SLC30A5: variants seen among roughly 807,000 people sequenced by gnomAD.
The protein encoded by SLC30A5 is solute carrier family 30 member 5.
SLC30A5 carries 33 observed loss-of-function variants against 79.6 expected under a neutral mutation model. That is an observed-to-expected ratio of 0.41 (90% CI 0.31 to 0.55). SLC30A5 has a LOEUF of 0.55. Ranked by LOEUF, SLC30A5 falls within the 20% of genes least tolerant of loss-of-function variation. The pLI is 0.20. For missense variants in SLC30A5, 788 were observed against 928.1 expected (o/e 0.85, Z 1.96); for synonymous variants, 299 against 319.7 (o/e 0.94, Z 0.69).
chr5:69,126,489 G>A (rs1746691876), intron 14 of SLC30A5, among the ~76,000 whole-genome samples: 1 of 152,016 alleles, frequency 6.6e-6, no homozygotes, highest in Non-Finnish European at 1.5e-5. Flanking sequence ...TAGGCCAGGC[G>A]TGGCGGCTCA....
chr5:69,097,057 C>T (rs560924059), intron 1 of SLC30A5, among the ~76,000 whole-genome samples: 1 of 150,200 alleles, frequency 6.7e-6, no homozygotes, highest in Non-Finnish European at 1.5e-5. Flanking sequence ...AAAAACAGAA[C>T]ACAAAAAACA....
At chr5:69,120,299 G>T (rs1182506308) in intron 12 of SLC30A5, among the ~76,000 whole-genome samples, 8 of 151,774 alleles carry the variant, frequency 5.3e-5, no homozygotes, top group Non-Finnish European at 1.2e-4. Flanking sequence ...TAGGAGAATT[G>T]CTTGAACCTG....
rs1746362421 is a variant in SLC30A5 at position 69,116,063 on chromosome 5, TC to T, written c.924del (p.Ile309PhefsTer16). The T allele has an allele frequency of 6.2e-7, 1 of 1,614,068 alleles. No individual in the cohort carries two copies. The highest frequency in any genetic ancestry group is 1.1e-5 in the South Asian group (1 of 91,086). On this transcript the variant is annotated frameshift_variant, in exon 9 of 16. Transcript: ENST00000396591. LOFTEE classifies it high-confidence loss of function. The surrounding 1 kb of genome is among the most constrained non-coding windows in gnomAD (Gnocchi z 4.0). ...VSKCARYGSFPIFISALLFGN... is the reference protein window; with the variant it reads ...VSKCARYGSFXIFISALLFGN... Reference sequence around the variant, plus strand: ...CCAAATGTGCTCGTTATGGATCCTTTCCCATTTTTATTAGTGCTCTCCTTTT... The same window carrying T: ...CCAAATGTGCTCGTTATGGATCCTTTCCATTTTTATTAGTGCTCTCCTTTT...
intron 6 of SLC30A5, 117 bp from the exon 7 acceptor site, chr5:69,114,303 G>T: frequency 1.9e-6 from 1 of 515,312 alleles, no homozygotes; most frequent in East Asian, 3.0e-5. Context: ...AATTAAGTTT[G>T]AGGCCTCCAG....
chr5:69,129,319 G>A (rs764797268), intron 15 of SLC30A5, 128 bp from the exon 16 acceptor site: 1 of 618,038 alleles, frequency 1.6e-6, no homozygotes, highest in Non-Finnish European at 2.6e-6. Flanking sequence ...TCAGATTTTA[G>A]AGCGTCTCAG....
chr5:69,102,073 T>TTTG (rs1491246527), intron 2 of SLC30A5, among the ~76,000 whole-genome samples: 1,531 of 121,940 alleles, frequency 0.013, 56 homozygotes, highest in African/African-American at 0.044. Context: ...TTTTTTTTTT[T>TTTG]GAGACAGTCT....
Position 69,115,309 on chromosome 5 carries a change from G to C in SLC30A5, c.685G>C (p.Val229Leu), listed in dbSNP as rs780354389. Residue 229 changes from valine (V) to leucine (L), a missense_variant, in exon 8 of 16, where the codon GTC (valine) becomes CTC (leucine). Transcript: ENST00000396591. ...TCATACAGCTTCCAGAAAGCTCTCT[G>C]TCGACGTTGGTGGAGCTAAACGTCT... Reference protein sequence around the residue: ...GFHTASRKLSVDVGGAKRLQA... With the variant: ...GFHTASRKLSLDVGGAKRLQA... The C allele has an allele frequency of 3.8e-5, 61 of 1,614,040 alleles. No individual in the cohort carries two copies. In the South Asian group the frequency reaches 6.6e-4, roughly 17 times the overall value.
At chr5:69,118,761 C>A in intron 12 of SLC30A5, 133 bp downstream of exon 12, 4 of 511,536 alleles carry the variant, frequency 7.8e-6, no homozygotes, top group Non-Finnish European at 1.3e-5. Flanking sequence ...AACTTCCTAT[C>A]TTGCTGTTTA....
chr5:69,109,566 G>C (rs1025837543), intron 5 of SLC30A5, among the ~76,000 whole-genome samples: 8 of 152,082 alleles, frequency 5.3e-5, no homozygotes, highest in African/African-American at 1.9e-4. Flanking sequence ...TTGTACTCAT[G>C]CACCTTTCCC....
intron 5 of SLC30A5, among the ~76,000 whole-genome samples, 195 bp downstream of exon 5, chr5:69,108,631 A>C (rs1051131260): frequency 1.3e-5 from 2 of 152,108 alleles, no homozygotes; most frequent in African/African-American, 4.8e-5. Flanking sequence ...AGACCAGCCT[A>C]GCCAACGTGG....
In SLC30A5 at chr5:69,094,336, T is replaced by A; in HGVS notation, c.81T>A (p.Ala27=). 1 of 1,250,834 alleles carries A rather than the reference T, an allele frequency of 8.0e-7. No homozygotes were observed. Among genetic ancestry groups the A allele is most frequent in the Non-Finnish European group, 1.0e-6 (1 of 990,590 alleles). The allele number at this position is 1,250,834 out of a possible 1,614,324, so 77.5% of individuals were successfully genotyped here. A position where few individuals can be genotyped will look rare whatever the true frequency, so the allele number is the denominator to read the frequency against. ...TTGGGCCGGTGGACGTACCCAGCGC[T>A]CGGTAAGGGACCGATCCGGAAGGCA... ...GGLGPVDVPS[A]RLTKYIVLLC... The change falls in exon 1 of 16, where the codon GCT becomes GCA. Residue 27 remains alanine (A), a splice_region_variant and synonymous_variant. Transcript: ENST00000396591.
chr5:69,118,715 CT>C, intron 12 of SLC30A5, 87 bp downstream of exon 12: 1 of 1,163,348 alleles, frequency 8.6e-7, no homozygotes, highest in African/African-American at 1.6e-5. Flanking sequence ...GCAGTTATTG[CT>C]CTAAGAAGGT....
chr5:69,128,098 C>T lies in SLC30A5; in HGVS notation c.2093C>T (p.Thr698Ile). Residue 698 changes from threonine to isoleucine, a missense_variant, in exon 15 of 16, where the codon ACA becomes ATA. Coordinates refer to ENST00000396591, the MANE Select transcript of SLC30A5 (RefSeq NM_022902.5). ...GCAGGAACAATTCATATACAGGTGA[C>T]ATCTGATGTGCTAGAACAAAGAATA... ...IVAGTIHIQV[T>I]SDVLEQRIVQ... 6.2e-7 allele frequency: 1 copy of T among 1,612,038 alleles called. No individual in the cohort carries two copies. Among genetic ancestry groups the T allele is most frequent in the Non-Finnish European group, 8.5e-7 (1 of 1,178,912 alleles).
At chr5:69,109,869 G>C (rs1746184886) in intron 5 of SLC30A5, among the ~76,000 whole-genome samples, 5 of 152,138 alleles carry the variant, frequency 3.3e-5, no homozygotes, top group Admixed American at 3.3e-4. Context: ...ATTTAGTGAA[G>C]GAGTGGGCTA....
Position 69,094,261 on chromosome 5 carries a change from G to T in SLC30A5, c.6G>T (p.Glu2Asp), listed in dbSNP as rs1561283553. Residue 2 changes from glutamate (E) to aspartate (D), a missense_variant, in exon 1 of 16, where the codon GAG becomes GAT. By Grantham distance (45) the Glu-to-Asp change is conservative. Around this residue, in one of 3 missense-constraint regions of SLC30A5, gnomAD observed 626 missense variants for 755.5 expected, o/e 0.83. Coordinates refer to ENST00000396591, the MANE Select transcript of SLC30A5 (RefSeq NM_022902.5). ...GGCGGCTCGTGAGCCCCGGGATGGA[G>T]GAGAAATACGGCGGGGACGTGCTGG... Reference protein sequence around the residue: MEEKYGGDVLAG... With the variant: MDEKYGGDVLAG... The T allele has an allele frequency of 9.6e-6, 12 of 1,250,956 alleles. No homozygotes were observed. Among genetic ancestry groups the T allele is most frequent in the Non-Finnish European group, 1.2e-5 (12 of 986,720 alleles). The allele number at this position is 1,250,956 out of a possible 1,614,324, so 77.5% of individuals were successfully genotyped here. A position where few individuals can be genotyped will look rare whatever the true frequency, so the allele number is the denominator to read the frequency against.
intron 2 of SLC30A5, 55 bp from the exon 3 acceptor site, chr5:69,103,007 T>C: frequency 1.2e-6 from 1 of 863,382 alleles, no homozygotes; most frequent in South Asian, 1.8e-5. Flanking sequence ...CTTAAAACTG[T>C]ATCTTGTGTT....
At chr5:69,107,600 A>G (rs187974929) in intron 4 of SLC30A5, among the ~76,000 whole-genome samples, 33 of 152,308 alleles carry the variant, frequency 2.2e-4, no homozygotes, top group Non-Finnish European at 4.0e-4. Context: ...CCAGAAACAC[A>G]TGAGTAATGC....
At chr5:69,122,695 GT>G (rs1746569329) in intron 13 of SLC30A5, among the ~76,000 whole-genome samples, 2 of 152,224 alleles carry the variant, frequency 1.3e-5, no homozygotes, top group East Asian at 1.9e-4. Flanking sequence ...TTAAATGTTA[GT>G]TTTTAAATGA....
chr5:69,106,123 C>G (rs1452375322), intron 4 of SLC30A5, among the ~76,000 whole-genome samples: 1 of 152,048 alleles, frequency 6.6e-6, no homozygotes, highest in Non-Finnish European at 1.5e-5. Flanking sequence ...CCTCTCATGG[C>G]CAATAGAATA....
Sources: allele counts gnomAD v4.1 joint callset (sites outside exome capture counted in the v4.1 genomes callset), GRCh38; gene constraint gnomAD v4.1.1; regional missense constraint gnomAD v4.1.1; non-coding constraint Gnocchi (gnomAD v3.1); transcripts MANE v1.5; gene names NCBI Gene and HGNC (gene_info 2026-07-23, HGNC 2026-07-21).